MAGI2: variants seen among roughly 807,000 people sequenced by gnomAD.
The protein encoded by MAGI2 is membrane-associated guanylate kinase, WW and PDZ domain-containing protein 2.
In MAGI2, 35 loss-of-function variants were observed where a neutral mutation model predicts 133.3. That is an observed-to-expected ratio of 0.26 (90% confidence interval 0.20 to 0.35). The LOEUF is 0.35. Ranked by LOEUF, MAGI2 falls within the 10% of genes least tolerant of loss-of-function variation. The probability of loss-of-function intolerance (pLI) is 1.00; values close to 1 mark genes in which losing one functional copy is unlikely to be tolerated. For synonymous variants in MAGI2, 729 were observed against 710.6 expected, an observed-to-expected ratio of 1.03 and a Z score of -0.41; for missense variants, 1,636 against 1,863.4, an observed-to-expected ratio of 0.88 and a Z score of 2.25.
intron 2 of MAGI2, among the ~76,000 whole-genome samples, chr7:78,769,487 C>T (rs1020946902): frequency 1.6e-4 from 20 of 126,180 alleles, no homozygotes; most frequent in Non-Finnish European, 3.3e-4. Context: ...TGAAGTAAAA[C>T]CGTCACCACC....
chr7:78,983,687 A>G (rs1229800745), intron 2 of MAGI2, among the ~76,000 whole-genome samples: 2 of 152,032 alleles, frequency 1.3e-5, no homozygotes, highest in Non-Finnish European at 2.9e-5. Context: ...TCATTTTTTG[A>G]CCAATCAGCA....
At chr7:79,176,275 C>T (rs1379686516) in intron 1 of MAGI2, among the ~76,000 whole-genome samples, 2 of 151,870 alleles carry the variant, frequency 1.3e-5, no homozygotes, top group Non-Finnish European at 2.9e-5. Context: ...CCTGGTATTG[C>T]CCACATCCAC....
intron 9 of MAGI2, among the ~76,000 whole-genome samples, chr7:78,262,113 A>G (rs555539062): frequency 1.3e-5 from 2 of 152,284 alleles, no homozygotes; most frequent in African/African-American, 4.8e-5. Flanking sequence ...ATTGGAGAAG[A>G]ATTCAATTTT....
intron 16 of MAGI2, among the ~76,000 whole-genome samples, chr7:78,155,887 G>C (rs1824337817): frequency 6.6e-6 from 1 of 152,134 alleles, no homozygotes; most frequent in African/African-American, 2.4e-5. Flanking sequence ...AAATAAGTAA[G>C]AAACCCTAAC....
chr7:78,304,748 G>A (rs993829538), intron 9 of MAGI2, among the ~76,000 whole-genome samples: 1 of 152,198 alleles, frequency 6.6e-6, no homozygotes, highest in Non-Finnish European at 1.5e-5. Context: ...CGTATTGGGG[G>A]AAGAGTAGTG....
At chr7:78,575,827 C>CAT (rs1802212069) in intron 3 of MAGI2, among the ~76,000 whole-genome samples, 1 of 152,016 alleles carries the variant, frequency 6.6e-6, no homozygotes, top group Non-Finnish European at 1.5e-5. Flanking sequence ...ATCTAAGGGA[C>CAT]ATAATAATTA....
At chr7:79,377,759 T>A (rs530398869) in intron 1 of MAGI2, among the ~76,000 whole-genome samples, 55 of 151,638 alleles carry the variant, frequency 3.6e-4, no homozygotes, top group Admixed American at 1.1e-3. Flanking sequence ...TTGTGGAAAA[T>A]TGAGTGCCTA....
chr7:79,288,933 G>A, intron 1 of MAGI2, among the ~76,000 whole-genome samples: 1 of 152,086 alleles, frequency 6.6e-6, no homozygotes, highest in East Asian at 1.9e-4. Context: ...CATAGGAACT[G>A]CTAGACTTGG....
chr7:79,131,142 AG>A lies in MAGI2; in HGVS notation c.302-123937del, dbSNP rs1820904072. ...AAAGTCTTCATAGAGGAGGTAATTT[AG>A]GGGAAAGTAAGGTTGGAGGATCTCC... On this transcript the variant is annotated intron_variant, in intron 1 of 21. Transcript: ENST00000354212. Among the ~76,000 whole-genome samples the A allele has an allele frequency of 2.0e-5, 3 of 152,198 alleles. No homozygotes were observed. In the East Asian group the frequency reaches 5.8e-4, roughly 29 times the overall value.
chr7:78,324,172 C>CT (rs1788330957), intron 9 of MAGI2, among the ~76,000 whole-genome samples: 1 of 141,960 alleles, frequency 7.0e-6, no homozygotes, highest in African/African-American at 2.5e-5. Flanking sequence ...CTACACTACA[C>CT]ACTACACTAC....
At chr7:79,390,030 C>A (rs1345886832) in intron 1 of MAGI2, among the ~76,000 whole-genome samples, 4 of 152,194 alleles carry the variant, frequency 2.6e-5, no homozygotes, top group African/African-American at 9.6e-5. Flanking sequence ...AGTATATATT[C>A]CATGCCCAAC....
chr7:78,853,082 T>C (rs1304990855), intron 2 of MAGI2, among the ~76,000 whole-genome samples: 1 of 151,992 alleles, frequency 6.6e-6, no homozygotes, highest in African/African-American at 2.4e-5. Context: ...AAATGAGTCA[T>C]TTTAGAAGGC....
At chr7:79,304,894 G>A (rs980719666) in intron 1 of MAGI2, among the ~76,000 whole-genome samples, 5 of 152,126 alleles carry the variant, frequency 3.3e-5, no homozygotes, top group Non-Finnish European at 4.4e-5. Flanking sequence ...AATGTTTAAT[G>A]GTGTCAACCA....
At chr7:78,377,394 T>C (rs1467821555) in intron 6 of MAGI2, among the ~76,000 whole-genome samples, 1 of 151,860 alleles carries the variant, frequency 6.6e-6, no homozygotes, top group Non-Finnish European at 1.5e-5. Context: ...TAAATTCCCA[T>C]CCCGAGTGAA....
Position 79,028,334 on chromosome 7 carries a change from T to C in MAGI2, c.302-21128A>G, listed in dbSNP as rs142090005. On this transcript the variant is annotated intron_variant, in intron 1 of 21. Transcript: ENST00000354212. ...ATATACACACATATATATACATATA[T>C]ATACACACACACACACACACATACA... is the stretch of plus-strand genomic sequence containing the variant. 2.7e-3 allele frequency among the ~76,000 whole-genome samples: 85 copies of C among 31,844 alleles called. 3 individuals carry two copies. Among genetic ancestry groups the C allele is most frequent in the East Asian group, 0.011 (7 of 628 alleles). 20.9% of individuals were successfully genotyped at this position (31,844 alleles called of 152,430 possible).
intron 1 of MAGI2, among the ~76,000 whole-genome samples, chr7:79,392,599 C>G (rs1036703921): frequency 3.3e-5 from 5 of 152,162 alleles, no homozygotes; most frequent in South Asian, 2.1e-4. Context: ...TTGCATTTCT[C>G]TAATGATCAG....
chr7:78,184,666 A>T (rs1013696315), intron 13 of MAGI2: 2 of 152,214 alleles, frequency 1.3e-5, no homozygotes, highest in African/African-American at 4.8e-5. Context: ...GAGCAAAAAA[A>T]AATTAAATCT....
At chr7:79,101,926 A>G (rs562094710) in intron 1 of MAGI2, among the ~76,000 whole-genome samples, 138 of 151,756 alleles carry the variant, frequency 9.1e-4, no homozygotes, top group Non-Finnish European at 1.5e-3. Flanking sequence ...CATATACACC[A>G]TATATTTTAG....
chr7:78,815,945 T>A (rs1789538766), intron 2 of MAGI2, among the ~76,000 whole-genome samples: 1 of 152,196 alleles, frequency 6.6e-6, no homozygotes, highest in African/African-American at 2.4e-5. Context: ...TAGAAATGAT[T>A]AAGCTTAGTG....
Sources: gnomAD v4.1 joint callset for allele counts (sites outside exome capture counted in the v4.1 genomes callset) on GRCh38, gnomAD v4.1.1 for gene constraint, MANE v1.5 for transcripts, NCBI Gene and HGNC (gene_info 2026-07-23, HGNC 2026-07-21) for gene names.